Variants in APC observed in about 807,000 individuals in gnomAD.
The protein encoded by APC is APC regulator of Wnt signaling pathway.
APC carries 72 observed loss-of-function variants against 247.0 expected under a neutral mutation model. That is an observed-to-expected ratio of 0.29 (90% confidence interval 0.24 to 0.35). The LOEUF is 0.35. Ranked by LOEUF, APC falls within the 10% of genes least tolerant of loss-of-function variation. APC has a pLI of 1.00. For synonymous variants in APC, 1,254 were observed against 1,162.5 expected (o/e 1.08, Z -1.60); for missense variants, 3,400 against 3,360.7 (o/e 1.01, Z -0.29).
Position 112,845,393 on chromosome 5 carries a change from G to A in APC, c.*1267G>A. On this transcript the variant is annotated 3_prime_UTR_variant, in exon 16 of 16. Coordinates refer to ENST00000257430, the MANE Select transcript of APC (RefSeq NM_000038.6). Reference sequence around the variant, plus strand: ...ATTCTGTACTTGAAATTGATTCTTAGACATTGCAGTCTCTTCGAGGCTTTA... The same window carrying A: ...ATTCTGTACTTGAAATTGATTCTTAAACATTGCAGTCTCTTCGAGGCTTTA... 1 of 232,916 alleles carries A rather than the reference G, an allele frequency of 4.3e-6. No individual in the cohort carries two copies. The highest frequency in any genetic ancestry group is 6.1e-5 in the East Asian group (1 of 16,476). The allele number at this position is 232,916 out of a possible 1,614,324, so 14.4% of individuals were successfully genotyped here.
chr5:112,829,802 T>C (rs1169641305), intron 14 of APC: 3 of 152,224 alleles, frequency 2.0e-5, no homozygotes, highest in South Asian at 2.1e-4. Flanking sequence ...TCTCCAAACC[T>C]CAATCCCCTC....
At chr5:112,788,373 A>G (rs1179733219) in intron 6 of APC, among the ~76,000 whole-genome samples, 1 of 152,178 alleles carries the variant, frequency 6.6e-6, no homozygotes, top group African/African-American at 2.4e-5. Flanking sequence ...TCAGACCTTC[A>G]TAATATTTAG....
chr5:112,842,478 C>T lies in APC; in HGVS notation c.6884C>T (p.Ser2295Leu), dbSNP rs2149975432. The change falls in exon 16 of 16, where the codon TCA becomes TTA. Residue 2295 changes from serine (S) to leucine (L), a missense_variant. Around this residue, in one of 9 missense-constraint regions of APC, gnomAD observed 1,788 missense variants for 1,649.5 expected, o/e 1.08. Coordinates refer to ENST00000257430, the MANE Select transcript of APC (RefSeq NM_000038.6). Reference protein sequence around the residue: ...VARQTSQIGGSSKAPSRSGSR... With the variant: ...VARQTSQIGGLSKAPSRSGSR... ...AGGCAGACATCCCAAATAGGTGGGT[C>T]AAGTAAAGCACCTTCTAGATCAGGA... The T allele has an allele frequency of 6.2e-7, 1 of 1,613,958 alleles. No individual in the cohort carries two copies. The highest frequency in any genetic ancestry group is 8.5e-7 in the Non-Finnish European group (1 of 1,179,922).
chr5:112,775,684 G>A lies in APC; in HGVS notation c.478G>A (p.Ala160Thr), dbSNP rs1114167556. 6.8e-6 allele frequency: 11 copies of A among 1,607,104 alleles called. No individual in the cohort carries two copies. Among genetic ancestry groups the A allele is most frequent in the South Asian group, 2.2e-5 (2 of 89,172 alleles). The change falls in exon 5 of 16, where the codon GCT becomes ACT. Residue 160 changes from alanine to threonine, a missense_variant. This residue lies in a region of APC where 372 missense variants were observed against 367.6 expected (regional missense o/e 1.01). Coordinates refer to ENST00000257430, the MANE Select transcript of APC (RefSeq NM_000038.6). ...KEEKEKDWYY[A>T]QLQNLTKRID... ...AGAAAAGGAAAAAGACTGGTATTAC[G>A]CTCAACTTCAGAATCTCACTAAAAG... is the stretch of plus-strand genomic sequence containing the variant.
Position 112,754,278 on chromosome 5 carries a change from G to T in APC, c.-18-595G>T, listed in dbSNP as rs1282861310. 2.0e-5 allele frequency among the ~76,000 whole-genome samples: 3 copies of T among 152,100 alleles called. No homozygotes were observed. The East Asian group carries it at 5.8e-4, about 29-fold the overall frequency. Reference sequence around the variant, plus strand: ...TATTTACCATCTTCCTATCAAAAAGGCTTAAAGTCTTCATTTAATGCTCTC... The same window carrying T: ...TATTTACCATCTTCCTATCAAAAAGTCTTAAAGTCTTCATTTAATGCTCTC... On this transcript the variant is annotated intron_variant, in intron 1 of 15. Transcript: ENST00000257430.
At chr5:112,722,231 C>T (rs1581028813) in intron 1 of APC, among the ~76,000 whole-genome samples, 1 of 152,106 alleles carries the variant, frequency 6.6e-6, no homozygotes, top group African/African-American at 2.4e-5. Context: ...ATACACTGTT[C>T]GGTTTTGTGA....
intron 1 of APC, among the ~76,000 whole-genome samples, chr5:112,741,345 A>G (rs1465903318): frequency 2.0e-5 from 3 of 152,238 alleles, no homozygotes; most frequent in Non-Finnish European, 4.4e-5. Context: ...TTAGAGTCAC[A>G]GAGAATTTTT....
chr5:112,743,658 A>C (rs1333242771), intron 1 of APC, among the ~76,000 whole-genome samples: 1 of 152,220 alleles, frequency 6.6e-6, no homozygotes, highest in Admixed American at 6.5e-5. Flanking sequence ...GAAACTGAGA[A>C]ACGTTAAAGC....
Position 112,837,955 on chromosome 5 carries a change from T to A in APC, c.2361T>A (p.Ser787Arg), listed in dbSNP as rs1339834096. The change falls in exon 16 of 16, where the codon AGT becomes AGA. Residue 787 changes from serine (S) to arginine (R), a missense_variant. This residue lies in a region of APC where 91 missense variants were observed against 103.3 expected (regional missense o/e 0.88). Coordinates refer to ENST00000257430, the MANE Select transcript of APC (RefSeq NM_000038.6). Reference sequence around the variant, plus strand: ...TAAGTCCCAAGGCATCTCATCGTAGTAAGCAGAGACACAAGCAAAGTCTCT... The same window carrying A: ...TAAGTCCCAAGGCATCTCATCGTAGAAAGCAGAGACACAAGCAAAGTCTCT... ...DNLSPKASHR[S>R]KQRHKQSLYG... 21 of 1,614,030 alleles carry A rather than the reference T, an allele frequency of 1.3e-5. No homozygotes were observed. Among genetic ancestry groups the A allele is most frequent in the Non-Finnish European group, 1.7e-5 (20 of 1,180,034 alleles).
intron 1 of APC, among the ~76,000 whole-genome samples, chr5:112,719,240 CAG>C (rs1163165441): frequency 3.9e-5 from 6 of 152,058 alleles, no homozygotes; most frequent in Non-Finnish European, 7.4e-5. Flanking sequence ...TTTCTTTGGA[CAG>C]AGTCTTGCTC....
rs863224546 is a variant in APC, at chr5:112,841,665, A to G, written c.6071A>G (p.Asn2024Ser). The change falls in exon 16 of 16, where the codon AAC becomes AGC. Residue 2024 changes from asparagine (N) to serine (S), a missense_variant. Around this residue, in one of 9 missense-constraint regions of APC, gnomAD observed 1,788 missense variants for 1,649.5 expected, o/e 1.08. Coordinates refer to ENST00000257430, the MANE Select transcript of APC (RefSeq NM_000038.6). This position sits in a 1 kb window ranked among gnomAD's most constrained non-coding sequence, Gnocchi z 4.6. ...VEDTPVCFSRNSSLSSLSIDS... is the reference protein window; with the variant it reads ...VEDTPVCFSRSSSLSSLSIDS... ...GATACCCCAGTTTGTTTCTCAAGAA[A>G]CAGTTCTCTCAGTTCTCTTAGTATT... The G allele has an allele frequency of 6.2e-7, 1 of 1,613,872 alleles. No homozygotes were observed. Among genetic ancestry groups the G allele is most frequent in the Non-Finnish European group, 8.5e-7 (1 of 1,179,758 alleles).
chr5:112,776,723 C>G (rs1225333254), intron 5 of APC, among the ~76,000 whole-genome samples: 2 of 152,098 alleles, frequency 1.3e-5, no homozygotes, highest in South Asian at 2.1e-4. Context: ...TGCCTGTAAT[C>G]TCAGCTACTT....
At chr5:112,747,091 A>C (rs1375909528) in intron 1 of APC, among the ~76,000 whole-genome samples, 1 of 152,162 alleles carries the variant, frequency 6.6e-6, no homozygotes, top group East Asian at 1.9e-4. Context: ...AGCCTTCCAA[A>C]GTGCTTGGAT....
chr5:112,843,092 CA>C lies in APC; in HGVS notation c.7499del (p.Gln2500ArgfsTer16). 1 of 1,614,060 alleles carries C rather than the reference CA, an allele frequency of 6.2e-7. No homozygotes were observed. The highest frequency in any genetic ancestry group is 2.2e-5 in the East Asian group (1 of 44,886). ...DMSLSTHSSV[Q>X]AGGWRKLPPN... ...GTCTCTATCCACACATTCGTCTGTTCAGGCTGGTGGATGGCGAAAACTCCCA... is the reference window on the plus strand; with the variant it reads ...GTCTCTATCCACACATTCGTCTGTTCGGCTGGTGGATGGCGAAAACTCCCA... On this transcript the variant is annotated frameshift_variant, in exon 16 of 16. Transcript: ENST00000257430. LOFTEE classifies it high-confidence loss of function. The surrounding 1 kb of genome is among the most constrained non-coding windows in gnomAD (Gnocchi z 4.8).
At chr5:112,711,385 G>T (rs976886408) in intron 1 of APC, among the ~76,000 whole-genome samples, 4 of 152,112 alleles carry the variant, frequency 2.6e-5, no homozygotes, top group African/African-American at 9.7e-5. Context: ...CCATTCCCTG[G>T]TGCCAAAAAG....
rs1766621353 is a variant in APC, at chr5:112,843,601, T to C, written c.8007T>C (p.Pro2669=). The part of the protein sequence containing the change: ...VRIEDCPINN[P]RSGRSPTGNT... Reference sequence around the variant, plus strand: ...TTGAGGACTGTCCCATTAACAATCCTAGATCTGGAAGATCTCCCACAGGTA... The same window carrying C: ...TTGAGGACTGTCCCATTAACAATCCCAGATCTGGAAGATCTCCCACAGGTA... The change falls in exon 16 of 16, where the codon CCT becomes CCC. Residue 2669 remains proline, a synonymous_variant. Coordinates refer to ENST00000257430, the MANE Select transcript of APC (RefSeq NM_000038.6). The surrounding 1 kb of genome is among the most constrained non-coding windows in gnomAD (Gnocchi z 4.8). The C allele has an allele frequency of 6.2e-7, 1 of 1,613,994 alleles. No individual in the cohort carries two copies. Among genetic ancestry groups the C allele is most frequent in the Non-Finnish European group, 8.5e-7 (1 of 1,179,910 alleles).
intron 10 of APC, 94 bp downstream of exon 10, chr5:112,819,438 T>C: frequency 6.7e-7 from 1 of 1,496,894 alleles, no homozygotes; most frequent in African/African-American, 1.4e-5. Flanking sequence ...GCTGTCTTTA[T>C]GACTAAGAGG....
In APC at chr5:112,825,826, G is replaced by A. The variant is rs757802978; in HGVS notation, c.1409-1282G>A. 3.5e-4 allele frequency among the ~76,000 whole-genome samples: 53 copies of A among 152,136 alleles called. 1 individual carries two copies. The highest frequency in any genetic ancestry group is 1.2e-4 in the Non-Finnish European group (8 of 68,010). ...AAGTCCACCTATTATATCACCCTGT[G>A]GTTCTACATAGTTCATCTATCTTTG... is the stretch of plus-strand genomic sequence containing the variant. On this transcript the variant is annotated intron_variant, in intron 11 of 15. Coordinates refer to ENST00000257430, the MANE Select transcript of APC (RefSeq NM_000038.6).
At position 112,845,065 on chromosome 5, in the gene APC, T is replaced by C. The variant is rs1368186193; in HGVS notation, c.*939T>C. ...TTAAAATGCCTCTTTTAAAAGCTTA[T>C]ATAAATTTTTTTCTTCAGCTTCTAT... On this transcript the variant is annotated 3_prime_UTR_variant, in exon 16 of 16. Coordinates refer to ENST00000257430, the MANE Select transcript of APC (RefSeq NM_000038.6). The C allele has an allele frequency of 4.3e-6, 1 of 232,274 alleles. No individual in the cohort carries two copies. Among genetic ancestry groups the C allele is most frequent in the Non-Finnish European group, 8.5e-6 (1 of 117,262 alleles). The allele number at this position is 232,274 out of a possible 1,614,324, so 14.4% of individuals were successfully genotyped here.
Sources: gnomAD v4.1 joint callset for allele counts (sites outside exome capture counted in the v4.1 genomes callset) on GRCh38, gnomAD v4.1.1 for gene constraint, gnomAD v4.1.1 regional missense constraint, Gnocchi (gnomAD v3.1) non-coding constraint, MANE v1.5 for transcripts, NCBI Gene and HGNC (gene_info 2026-07-23, HGNC 2026-07-21) for gene names.